C12orf42: variants seen among roughly 807,000 people sequenced by gnomAD.
C12orf42 encodes the protein chromosome 12 open reading frame 42.
Under a neutral mutation model 21.6 loss-of-function variants are expected in C12orf42, and 25 were observed. The ratio of observed to expected loss-of-function variants is 1.16; its 90% CI spans 0.84 to 1.62. The LOEUF (loss-of-function observed/expected upper bound fraction) is 1.62. Among genes scored for constraint, C12orf42 ranks in the 40% most tolerant of loss-of-function variants. The probability of loss-of-function intolerance (pLI) is 0.00; values close to 1 mark genes in which losing one functional copy is unlikely to be tolerated. For synonymous variants in C12orf42, 174 were observed against 175.0 expected, an observed-to-expected ratio of 0.99 and a Z score of 0.05; for missense variants, 483 against 459.3, an observed-to-expected ratio of 1.05 and a Z score of -0.47.
the C12orf42 span, among the ~76,000 whole-genome samples, chr12:103,535,784 TTTTTTTATTTTTAGATGGGTTC>T: frequency 6.6e-6 from 1 of 151,992 alleles, no homozygotes; most frequent in Non-Finnish European, 1.5e-5. Context: ...ATAATAAGAA[TTTTTTTATTTTTAGATGGGTTC>T]TCACTTTGCT....
intron 5 of C12orf42, among the ~76,000 whole-genome samples, chr12:103,303,056 A>G (rs1291917212): frequency 1.3e-5 from 2 of 152,164 alleles, no homozygotes; most frequent in Non-Finnish European, 2.9e-5. Flanking sequence ...CATGAGTTTT[A>G]TTGGAAACTT....
chr12:103,495,330 C>T (rs1955452714), intron 1 of C12orf42, among the ~76,000 whole-genome samples: 1 of 152,106 alleles, frequency 6.6e-6, no homozygotes, highest in South Asian at 2.1e-4. Flanking sequence ...CTGGGGAGGG[C>T]ATTCAGTAAA....
chr12:103,451,017 T>C (rs1951900847), intron 2 of C12orf42, among the ~76,000 whole-genome samples: 1 of 152,058 alleles, frequency 6.6e-6, no homozygotes, highest in Non-Finnish European at 1.5e-5. Flanking sequence ...ACAGTTGTTT[T>C]CAAGACATCT....
At chr12:103,400,513 A>G (rs1767578051) in intron 3 of C12orf42, among the ~76,000 whole-genome samples, 3 of 152,334 alleles carry the variant, frequency 2.0e-5, no homozygotes, top group Middle Eastern at 6.8e-3. Flanking sequence ...TTAACGTCCA[A>G]ATGGACATAT....
At chr12:103,271,253 C>A (rs2035457196) in intron 5 of C12orf42, among the ~76,000 whole-genome samples, 1 of 152,262 alleles carries the variant, frequency 6.6e-6, no homozygotes, top group East Asian at 1.9e-4. Context: ...ACTTCATGTA[C>A]AACAGCAGCT....
the C12orf42 span, among the ~76,000 whole-genome samples, chr12:103,072,632 T>A: frequency 6.6e-6 from 1 of 152,050 alleles, no homozygotes; most frequent in Non-Finnish European, 1.5e-5. Context: ...CCAGTAATGG[T>A]ATTGCTGGGT....
chr12:103,058,250 C>T, the C12orf42 span, among the ~76,000 whole-genome samples: 4 of 152,258 alleles, frequency 2.6e-5, no homozygotes, highest in African/African-American at 4.8e-5. Context: ...CCACCTTGCC[C>T]GGCCGATGAG....
the C12orf42 span, among the ~76,000 whole-genome samples, chr12:103,118,693 G>C: frequency 6.7e-6 from 1 of 149,902 alleles, no homozygotes; most frequent in African/African-American, 2.5e-5. Context: ...AGCTACTCGG[G>C]AGGCTGAGGC....
intron 4 of C12orf42, among the ~76,000 whole-genome samples, chr12:103,327,790 G>A (rs2040846406): frequency 6.6e-6 from 1 of 152,142 alleles, no homozygotes; most frequent in African/African-American, 2.4e-5. Context: ...AGTCTGTTCT[G>A]GTAGAGAATG....
the C12orf42 span, among the ~76,000 whole-genome samples, chr12:103,529,641 C>T: frequency 6.6e-6 from 1 of 152,158 alleles, no homozygotes; most frequent in Admixed American, 6.5e-5. Context: ...CTGTTTGGGT[C>T]TCTCTGGAGT....
chr12:103,109,433 A>T, the C12orf42 span, among the ~76,000 whole-genome samples: 4 of 152,144 alleles, frequency 2.6e-5, no homozygotes, highest in East Asian at 7.7e-4. Flanking sequence ...ATCACTGGAG[A>T]GTGAGAGGCG....
At chr12:103,165,674 A>C in the C12orf42 span, among the ~76,000 whole-genome samples, 1 of 152,220 alleles carries the variant, frequency 6.6e-6, no homozygotes, top group Non-Finnish European at 1.5e-5. Flanking sequence ...AGCTGTGGAA[A>C]TAGCAGTCAC....
intron 3 of C12orf42, among the ~76,000 whole-genome samples, chr12:103,394,189 C>A (rs1227480892): frequency 6.6e-6 from 1 of 152,202 alleles, no homozygotes; most frequent in African/African-American, 2.4e-5. Flanking sequence ...AGGAGTTAAT[C>A]CCTGCTAAAG....
intron 3 of C12orf42, among the ~76,000 whole-genome samples, chr12:103,371,442 A>T (rs1201736648): frequency 1.3e-5 from 2 of 152,180 alleles, no homozygotes; most frequent in African/African-American, 4.8e-5. Flanking sequence ...TTAACTAAGG[A>T]AGGGTCAGAA....
chr12:103,441,608 G>A (rs769039946), intron 2 of C12orf42: 11 of 152,220 alleles, frequency 7.2e-5, no homozygotes, highest in African/African-American at 2.4e-4. Flanking sequence ...AGCCCACAAA[G>A]GGAGAGTCCT....
chr12:103,325,121 G>A (rs1251671733), intron 4 of C12orf42, among the ~76,000 whole-genome samples: 1 of 152,200 alleles, frequency 6.6e-6, no homozygotes, highest in Non-Finnish European at 1.5e-5. Flanking sequence ...AGAGAGAGAA[G>A]ACAAATATGC....
At chr12:103,143,840 C>A in the C12orf42 span, among the ~76,000 whole-genome samples, 2 of 152,216 alleles carry the variant, frequency 1.3e-5, no homozygotes, top group Non-Finnish European at 2.9e-5. Context: ...AATCCCAGCT[C>A]TGCCATTTAC....
the C12orf42 span, among the ~76,000 whole-genome samples, chr12:103,542,268 G>A: frequency 6.6e-6 from 1 of 152,212 alleles, no homozygotes; most frequent in African/African-American, 2.4e-5. Context: ...TCATTACATA[G>A]TATGAACATG....
intron 2 of C12orf42, among the ~76,000 whole-genome samples, chr12:103,413,535 G>C (rs775051046): frequency 1.3e-5 from 2 of 151,664 alleles, no homozygotes; most frequent in African/African-American, 4.8e-5. Context: ...TGGTTTTATG[G>C]TTAAGTCCTT....
Sources: allele counts gnomAD v4.1 joint callset (sites outside exome capture counted in the v4.1 genomes callset), GRCh38; gene constraint gnomAD v4.1.1; transcripts MANE v1.5; gene names NCBI Gene and HGNC (gene_info 2026-07-23, HGNC 2026-07-21).